The following CNTNAP2 variants were observed in gnomAD, a reference collection of about 807,000 sequenced individuals.
The protein encoded by CNTNAP2 is contactin-associated protein-like 2.
CNTNAP2 carries 98 observed loss-of-function variants against 155.2 expected under a neutral mutation model. The ratio of observed to expected loss-of-function variants is 0.63; its 90% CI spans 0.54 to 0.75. The LOEUF (loss-of-function observed/expected upper bound fraction) is 0.75, where lower values mean the gene tolerates loss of function less well. Ranked by LOEUF, CNTNAP2 falls within the 30% of genes least tolerant of loss-of-function variation. CNTNAP2 has a pLI of 0.00. For synonymous variants in CNTNAP2, 651 were observed against 631.2 expected, an observed-to-expected ratio of 1.03 and a Z score of -0.47; for missense variants, 1,727 against 1,688.1, an observed-to-expected ratio of 1.02 and a Z score of -0.40.
At chr7:147,861,203 C>T (rs539789231) in intron 13 of CNTNAP2, among the ~76,000 whole-genome samples, 1 of 152,278 alleles carries the variant, frequency 6.6e-6, no homozygotes, top group South Asian at 2.1e-4. Flanking sequence ...AGCAGGAATA[C>T]AAATATGGTC....
In CNTNAP2 at chr7:148,382,166, C is replaced by T. The variant is rs116157592; in HGVS notation, c.3476-1483C>T. On this transcript the variant is annotated intron_variant, in intron 21 of 23. Coordinates refer to ENST00000361727, the MANE Select transcript of CNTNAP2 (RefSeq NM_014141.6). Reference sequence around the variant, plus strand: ...GCCAGGGCTCATTCCTGCCATCCAGCCCCAGCTTCTGGCTGCTCAGTGGAC... The same window carrying T: ...GCCAGGGCTCATTCCTGCCATCCAGTCCCAGCTTCTGGCTGCTCAGTGGAC... 3.1e-3 allele frequency among the ~76,000 whole-genome samples: 468 copies of T among 152,364 alleles called. 3 individuals are homozygous for T. The highest frequency in any genetic ancestry group is 0.011 in the African/African-American group (445 of 41,596).
At chr7:147,927,261 C>T (rs1314095511) in intron 14 of CNTNAP2, among the ~76,000 whole-genome samples, 1 of 152,130 alleles carries the variant, frequency 6.6e-6, no homozygotes, top group Non-Finnish European at 1.5e-5. Flanking sequence ...ACACCTCTGC[C>T]TTATCATATT....
At chr7:147,077,740 T>C (rs1447162832) in intron 4 of CNTNAP2, among the ~76,000 whole-genome samples, 1 of 152,194 alleles carries the variant, frequency 6.6e-6, no homozygotes, top group African/African-American at 2.4e-5. Context: ...GCCTCAGTTT[T>C]CTTACCTATA....
At chr7:147,765,572 C>A (rs1263560096) in intron 13 of CNTNAP2, among the ~76,000 whole-genome samples, 2 of 152,098 alleles carry the variant, frequency 1.3e-5, no homozygotes, top group Admixed American at 1.3e-4. Context: ...TTAAACATAT[C>A]AACAGCAGCA....
At chr7:147,919,607 C>T (rs1433130372) in intron 14 of CNTNAP2, among the ~76,000 whole-genome samples, 3 of 151,392 alleles carry the variant, frequency 2.0e-5, no homozygotes, top group South Asian at 2.1e-4. Context: ...TACAGGCAGC[C>T]GCCACCACGC....
chr7:146,374,336 A>G (rs73162191), intron 1 of CNTNAP2, among the ~76,000 whole-genome samples: 18,689 of 152,042 alleles, frequency 0.12, 2,889 homozygotes, highest in African/African-American at 0.36. Flanking sequence ...AGCAATCTCG[A>G]TAGTCATAGA....
chr7:147,897,684 C>T (rs1056146379), intron 13 of CNTNAP2, among the ~76,000 whole-genome samples: 5 of 152,194 alleles, frequency 3.3e-5, no homozygotes, highest in African/African-American at 1.2e-4. Flanking sequence ...GAGATGGAAT[C>T]AGCCAAGACC....
At chr7:146,671,416 CTTTT>C (rs1229399300) in intron 1 of CNTNAP2, among the ~76,000 whole-genome samples, 1 of 151,412 alleles carries the variant, frequency 6.6e-6, no homozygotes, top group Admixed American at 6.6e-5. Flanking sequence ...CTGTTTCTCT[CTTTT>C]TTTGTCACTC....
At chr7:148,101,122 G>A (rs1212207308) in intron 15 of CNTNAP2, among the ~76,000 whole-genome samples, 2 of 133,458 alleles carry the variant, frequency 1.5e-5, no homozygotes, top group Non-Finnish European at 3.2e-5. Context: ...ATCACACACC[G>A]GGGACTGTTG....
At chr7:147,975,833 C>G (rs1485129193) in intron 14 of CNTNAP2, among the ~76,000 whole-genome samples, 1 of 152,102 alleles carries the variant, frequency 6.6e-6, no homozygotes, top group African/African-American at 2.4e-5. Context: ...ACAACAGTTG[C>G]CTACCATGAT....
chr7:148,265,109 G>A (rs1796644617), intron 20 of CNTNAP2, among the ~76,000 whole-genome samples: 2 of 152,226 alleles, frequency 1.3e-5, no homozygotes, highest in African/African-American at 4.8e-5. Flanking sequence ...TAACAAAAGA[G>A]AGTAAGTAAA....
chr7:146,824,195 G>T (rs1330907727), intron 2 of CNTNAP2, among the ~76,000 whole-genome samples: 1 of 152,080 alleles, frequency 6.6e-6, no homozygotes, highest in Admixed American at 6.6e-5. Context: ...CTTTATCCAT[G>T]TCCCTGCAAA....
intron 9 of CNTNAP2, among the ~76,000 whole-genome samples, chr7:147,315,249 G>A (rs1795204124): frequency 6.8e-6 from 1 of 147,082 alleles, no homozygotes; most frequent in Non-Finnish European, 1.5e-5. Flanking sequence ...GAAATCATAT[G>A]CTATAAAATT....
intron 8 of CNTNAP2, among the ~76,000 whole-genome samples, chr7:147,250,315 A>G (rs1227898179): frequency 6.6e-6 from 1 of 152,202 alleles, no homozygotes; most frequent in Non-Finnish European, 1.5e-5. Context: ...GTTTTGATCA[A>G]GAGAACCTGC....
rs1797816156 is a variant in CNTNAP2 at position 146,534,448 on chromosome 7, T to G, written c.98-239823T>G. ...TTTTATTTTTGACAGTCTCTGCGTT[T>G]ATCAATTGCAAATGTACGGTGTATA... is the stretch of plus-strand genomic sequence containing the variant. On this transcript the variant is annotated intron_variant, in intron 1 of 23. Transcript: ENST00000361727. 2.0e-5 allele frequency among the ~76,000 whole-genome samples: 3 copies of G among 152,112 alleles called. No homozygotes were observed. The South Asian group carries it at 6.2e-4, about 31-fold the overall frequency.
At chr7:147,983,855 GC>G (rs1451630020) in intron 15 of CNTNAP2, among the ~76,000 whole-genome samples, 1 of 152,116 alleles carries the variant, frequency 6.6e-6, no homozygotes, top group Non-Finnish European at 1.5e-5. Context: ...ACAATAGATG[GC>G]AAATGTTTCC....
intron 21 of CNTNAP2, among the ~76,000 whole-genome samples, chr7:148,326,646 C>G (rs1015158852): frequency 2.6e-5 from 4 of 151,902 alleles, no homozygotes; most frequent in African/African-American, 9.7e-5. Flanking sequence ...GCGGGCGGAT[C>G]ATGAGGTCAG....
rs1800007220 is a variant in CNTNAP2 at position 148,416,904 on chromosome 7, A to C, written c.*1288A>C. ...ATCACACCTCTTAGTTTAATCTGAA[A>C]TCTTGACCCAGTTATTTAACAAATA... is the stretch of plus-strand genomic sequence containing the variant. On this transcript the variant is annotated 3_prime_UTR_variant, in exon 24 of 24. Transcript: ENST00000361727. 1 of 152,254 alleles carries C rather than the reference A, an allele frequency of 6.6e-6. No individual in the cohort carries two copies. The highest frequency in any genetic ancestry group is 1.5e-5 in the Non-Finnish European group (1 of 68,030). 9.4% of individuals were successfully genotyped at this position (152,254 alleles called of 1,614,324 possible). A position where few individuals can be genotyped will look rare whatever the true frequency, so the allele number is the denominator to read the frequency against.
At chr7:147,833,476 A>G (rs1031898179) in intron 13 of CNTNAP2, among the ~76,000 whole-genome samples, 5 of 152,158 alleles carry the variant, frequency 3.3e-5, no homozygotes, top group Non-Finnish European at 7.3e-5. Context: ...GATGTGGGTC[A>G]CTATGTGCTT....
Sources: allele counts gnomAD v4.1 joint callset (sites outside exome capture counted in the v4.1 genomes callset), GRCh38; gene constraint gnomAD v4.1.1; transcripts MANE v1.5; gene names NCBI Gene and HGNC (gene_info 2026-07-23, HGNC 2026-07-21).